Variants in PCP4 observed in about 807,000 individuals in gnomAD.
The protein encoded by PCP4 is calmodulin regulator protein PCP4.
PCP4 carries 8 observed loss-of-function variants against 10.0 expected under a neutral mutation model. That is an observed-to-expected ratio of 0.80 (90% confidence interval 0.47 to 1.45). PCP4 has a LOEUF of 1.45. Among genes scored for constraint, PCP4 ranks in the 40% most tolerant of loss-of-function variants. The pLI, the probability that PCP4 is intolerant of heterozygous loss-of-function variation, is 0.00. For missense variants in PCP4, 54 were observed against 74.4 expected (o/e 0.73, Z 1.01); for synonymous variants, 21 against 23.0 (o/e 0.91, Z 0.24).
chr21:39,929,151 T>A lies in PCP4; in HGVS notation c.*40T>A. On this transcript the variant is annotated 3_prime_UTR_variant, in exon 3 of 3. Coordinates refer to ENST00000328619, the MANE Select transcript of PCP4 (RefSeq NM_006198.3). ...CCTAGTCCACCTGAAAACACCAAAT[T>A]CAACCATCATCTGTCAAGAAATTAA... The A allele has an allele frequency of 6.3e-7, 1 of 1,577,398 alleles. No individual in the cohort carries two copies. Among genetic ancestry groups the A allele is most frequent in the South Asian group, 1.2e-5 (1 of 86,670 alleles).
chr21:39,889,518 G>A (rs1178151187), intron 1 of PCP4, among the ~76,000 whole-genome samples: 3 of 140,464 alleles, frequency 2.1e-5, no homozygotes, highest in Non-Finnish European at 3.0e-5. Flanking sequence ...CCGGGTTCAC[G>A]CCATTCTCCT....
chr21:39,876,342 C>A (rs1223966675), intron 1 of PCP4, among the ~76,000 whole-genome samples: 1 of 152,092 alleles, frequency 6.6e-6, no homozygotes, highest in African/African-American at 2.4e-5. Context: ...ACTTTTGGTA[C>A]CTCCTGTGCG....
intron 1 of PCP4, among the ~76,000 whole-genome samples, chr21:39,878,626 C>T (rs1452141606): frequency 6.6e-6 from 1 of 152,196 alleles, no homozygotes; most frequent in African/African-American, 2.4e-5. Flanking sequence ...AAAGTGCACA[C>T]ATTGGTTGGT....
At chr21:39,890,328 T>C (rs972622808) in intron 1 of PCP4, among the ~76,000 whole-genome samples, 3 of 152,164 alleles carry the variant, frequency 2.0e-5, no homozygotes, top group African/African-American at 7.2e-5. Context: ...TCCAATCCTG[T>C]CTATTTCAAA....
In PCP4 at chr21:39,902,865, A is replaced by G. The variant is rs569508795; in HGVS notation, c.61+4338A>G. On this transcript the variant is annotated intron_variant, in intron 2 of 2. Coordinates refer to ENST00000328619, the MANE Select transcript of PCP4 (RefSeq NM_006198.3). ...CATTTGTTTCTGGAAATAACTTTCT[A>G]CTTGAAAGAAACAATAGCTCATAGC... 2.6e-5 allele frequency among the ~76,000 whole-genome samples: 4 copies of G among 152,328 alleles called. No individual in the cohort carries two copies. The East Asian group carries it at 7.7e-4, about 29-fold the overall frequency.
intron 1 of PCP4, among the ~76,000 whole-genome samples, chr21:39,894,986 A>G (rs1297826048): frequency 6.6e-6 from 1 of 152,062 alleles, no homozygotes; most frequent in Non-Finnish European, 1.5e-5. Flanking sequence ...TGTTCATTTG[A>G]CCATCAACCC....
intron 1 of PCP4, among the ~76,000 whole-genome samples, chr21:39,879,371 T>C (rs895034024): frequency 6.6e-6 from 1 of 152,164 alleles, no homozygotes; most frequent in Non-Finnish European, 1.5e-5. Flanking sequence ...TTATTTTTCA[T>C]CCAGGTTCCT....
intron 1 of PCP4, among the ~76,000 whole-genome samples, chr21:39,887,711 T>TG (rs35269624): frequency 0.065 from 9,837 of 152,286 alleles, 989 homozygotes; most frequent in African/African-American, 0.22. Flanking sequence ...GCAATCCCTG[T>TG]GCTTTGCTTC....
At chr21:39,877,512 C>A (rs1367298255) in intron 1 of PCP4, among the ~76,000 whole-genome samples, 1 of 150,802 alleles carries the variant, frequency 6.6e-6, no homozygotes, top group Non-Finnish European at 1.5e-5. Context: ...CATGGCGAAA[C>A]CCCGTCTCTA....
intron 2 of PCP4, among the ~76,000 whole-genome samples, chr21:39,908,280 A>C (rs1293117921): frequency 6.6e-6 from 1 of 152,082 alleles, no homozygotes; most frequent in African/African-American, 2.4e-5. Flanking sequence ...TGTGAAGGTT[A>C]ATGTGTGTTC....
intron 1 of PCP4, among the ~76,000 whole-genome samples, chr21:39,888,524 A>G (rs2087412419): frequency 6.6e-6 from 1 of 152,142 alleles, no homozygotes; most frequent in African/African-American, 2.4e-5. Flanking sequence ...CTGAGACTTC[A>G]ATGAGGAATT....
chr21:39,925,482 G>A (rs555714949), intron 2 of PCP4, among the ~76,000 whole-genome samples: 14 of 152,338 alleles, frequency 9.2e-5, no homozygotes, highest in Admixed American at 3.3e-4. Context: ...GGAACAAGGC[G>A]GACAAAGTCC....
chr21:39,890,920 T>G (rs546095270), intron 1 of PCP4, among the ~76,000 whole-genome samples: 92 of 152,266 alleles, frequency 6.0e-4, no homozygotes, highest in African/African-American at 2.2e-3. Context: ...GGAATTTGTT[T>G]GTGGGACTGT....
At chr21:39,915,183 G>A (rs2146346698) in intron 2 of PCP4, among the ~76,000 whole-genome samples, 1 of 151,758 alleles carries the variant, frequency 6.6e-6, no homozygotes, top group Non-Finnish European at 1.5e-5. Flanking sequence ...GGAAGCCTCA[G>A]AGGGAATGTT....
chr21:39,926,008 T>C (rs2087619392), intron 2 of PCP4: 1 of 456,034 alleles, frequency 2.2e-6, no homozygotes, highest in Admixed American at 2.3e-5. Flanking sequence ...CTGAACCCTG[T>C]GCCACCGAGT....
In PCP4 at chr21:39,907,115, G is replaced by A. The variant is rs116078803; in HGVS notation, c.61+8588G>A. ...GGTACATCTGGGATTACAAAAGCAC[G>A]GAAAAATGCTAATATTTCTCCTTGG... On this transcript the variant is annotated intron_variant, in intron 2 of 2. Transcript: ENST00000328619. Among the ~76,000 whole-genome samples the A allele has an allele frequency of 6.3e-3, 963 of 152,220 alleles. 13 individuals are homozygous for A. The highest frequency in any genetic ancestry group is 0.022 in the African/African-American group (911 of 41,522).
At chr21:39,904,872 C>G (rs1239256535) in intron 2 of PCP4, among the ~76,000 whole-genome samples, 1 of 152,126 alleles carries the variant, frequency 6.6e-6, no homozygotes, top group East Asian at 1.9e-4. Context: ...GGAAACTTAA[C>G]AAGCCAAGAT....
At chr21:39,883,328 G>A (rs1335666922) in intron 1 of PCP4, 4 of 152,150 alleles carry the variant, frequency 2.6e-5, no homozygotes, top group Non-Finnish European at 4.4e-5. Context: ...CTCTGGTTTG[G>A]GGAGAGGCTG....
intron 1 of PCP4, among the ~76,000 whole-genome samples, chr21:39,887,533 A>G (rs966863091): frequency 2.0e-5 from 3 of 152,194 alleles, no homozygotes; most frequent in African/African-American, 7.2e-5. Flanking sequence ...ATGTAGGCAT[A>G]AAAGTCTCTT....
Sources: allele counts gnomAD v4.1 joint callset (sites outside exome capture counted in the v4.1 genomes callset), GRCh38; gene constraint gnomAD v4.1.1; transcripts MANE v1.5; gene names NCBI Gene and HGNC (gene_info 2026-07-23, HGNC 2026-07-21).